The following TASP1 variants were observed in gnomAD, a reference collection of about 807,000 sequenced individuals.
TASP1 encodes the protein threonine aspartase 1.
In TASP1, 16 loss-of-function variants were observed where a neutral mutation model predicts 56.6. The observed-to-expected ratio is 0.28, with a 90% CI of 0.19 to 0.43. The LOEUF (loss-of-function observed/expected upper bound fraction) is 0.43, where lower values mean the gene tolerates loss of function less well. Ranked by LOEUF, TASP1 falls within the 20% of genes least tolerant of loss-of-function variation. The probability of loss-of-function intolerance (pLI) is 1.00; values close to 1 mark genes in which losing one functional copy is unlikely to be tolerated. For missense variants in TASP1, 393 were observed against 511.6 expected (o/e 0.77, Z 2.24); for synonymous variants, 179 against 184.2 (o/e 0.97, Z 0.23).
chr20:13,358,318 C>A, the TASP1 span, among the ~76,000 whole-genome samples: 1 of 152,208 alleles, frequency 6.6e-6, no homozygotes, highest in Non-Finnish European at 1.5e-5. Flanking sequence ...TCTCTTCACA[C>A]GGACGCGCAT....
the TASP1 span, chr20:13,221,722 ACCGCCG>A: frequency 7.6e-7 from 1 of 1,313,220 alleles, no homozygotes; most frequent in Non-Finnish European, 9.7e-7. Context: ...CCCCGGCGTC[ACCGCCG>A]CCGCCGCCGG....
At chr20:13,356,706 C>T in the TASP1 span, among the ~76,000 whole-genome samples, 1 of 152,128 alleles carries the variant, frequency 6.6e-6, no homozygotes, top group Non-Finnish European at 1.5e-5. Context: ...ATGAACTTTG[C>T]CCAGATGAAA....
chr20:13,315,573 T>A, the TASP1 span, among the ~76,000 whole-genome samples: 1 of 151,958 alleles, frequency 6.6e-6, no homozygotes, highest in South Asian at 2.1e-4. Context: ...CATAGATGAA[T>A]CCATTATCAT....
chr20:13,120,133 A>G, the TASP1 span, among the ~76,000 whole-genome samples: 3 of 152,226 alleles, frequency 2.0e-5, no homozygotes, highest in South Asian at 6.2e-4. Flanking sequence ...GGCAAATACT[A>G]AAGATTTTTG....
intron 12 of TASP1, among the ~76,000 whole-genome samples, chr20:13,433,805 A>G (rs2042900959): frequency 6.7e-6 from 1 of 149,440 alleles, no homozygotes; most frequent in African/African-American, 2.5e-5. Flanking sequence ...GGGTTAAACT[A>G]CCACAACCCC....
intron 11 of TASP1, among the ~76,000 whole-genome samples, chr20:13,451,223 T>A (rs900101774): frequency 1.3e-5 from 2 of 152,104 alleles, no homozygotes; most frequent in African/African-American, 4.8e-5. Flanking sequence ...AGATTTAGCA[T>A]AAGTCCTAAG....
the TASP1 span, among the ~76,000 whole-genome samples, chr20:13,158,198 A>G: frequency 7.9e-5 from 12 of 152,196 alleles, no homozygotes; most frequent in Non-Finnish European, 1.6e-4. Flanking sequence ...GTTTATTATC[A>G]TTATTATTAT....
the TASP1 span, among the ~76,000 whole-genome samples, chr20:13,119,602 G>A: frequency 4.6e-5 from 7 of 152,056 alleles, no homozygotes; most frequent in Admixed American, 2.6e-4. Context: ...ACAGAGGGTC[G>A]CATTGTTCAT....
At chr20:13,199,537 A>G in the TASP1 span, among the ~76,000 whole-genome samples, 1 of 152,180 alleles carries the variant, frequency 6.6e-6, no homozygotes, top group Non-Finnish European at 1.5e-5. Context: ...TCTTGTTTTT[A>G]CATTTAATTT....
chr20:13,613,356 T>A (rs530466920), intron 4 of TASP1, among the ~76,000 whole-genome samples: 2 of 152,316 alleles, frequency 1.3e-5, no homozygotes, highest in African/African-American at 2.4e-5. Context: ...GCTTAAAATA[T>A]TTCCAGGGAA....
chr20:13,606,857 A>G (rs1433374253), intron 4 of TASP1, among the ~76,000 whole-genome samples: 2 of 152,038 alleles, frequency 1.3e-5, no homozygotes, highest in Non-Finnish European at 2.9e-5. Flanking sequence ...ATATCCCAAT[A>G]TGTAAGGCAA....
chr20:13,428,138 T>C (rs1466777156), intron 12 of TASP1, among the ~76,000 whole-genome samples: 1 of 152,184 alleles, frequency 6.6e-6, no homozygotes, highest in East Asian at 1.9e-4. Context: ...CTATATGGAA[T>C]CTGTTTTTCA....
intron 12 of TASP1, among the ~76,000 whole-genome samples, chr20:13,419,367 A>G (rs2042362865): frequency 6.6e-6 from 1 of 152,162 alleles, no homozygotes; most frequent in South Asian, 2.1e-4. Flanking sequence ...GAATCTGGGA[A>G]AAGGAATCAT....
At chr20:13,327,532 C>T in the TASP1 span, among the ~76,000 whole-genome samples, 2 of 152,146 alleles carry the variant, frequency 1.3e-5, no homozygotes, top group African/African-American at 4.8e-5. Context: ...AAGCTGGAGG[C>T]ATCACACTAT....
chr20:13,464,281 A>G (rs1568835565), intron 11 of TASP1, among the ~76,000 whole-genome samples: 1 of 152,210 alleles, frequency 6.6e-6, no homozygotes, highest in Non-Finnish European at 1.5e-5. Context: ...AAATTAGGAC[A>G]CAGAAAACTC....
intron 2 of TASP1, 134 bp from the exon 3 acceptor site, chr20:13,625,386 T>C: frequency 1.7e-6 from 1 of 587,574 alleles, no homozygotes; most frequent in South Asian, 2.8e-5. Context: ...TGGCGTTTTA[T>C]GACTTCTTAC....
intron 6 of TASP1, among the ~76,000 whole-genome samples, chr20:13,574,332 T>C (rs569257836): frequency 1.6e-4 from 25 of 152,318 alleles, no homozygotes; most frequent in Admixed American, 1.2e-3. Context: ...AAGCTGTTTT[T>C]AAGTAACTTA....
chr20:13,587,494 C>CA, intron 4 of TASP1, 124 bp from the exon 5 acceptor site: 1 of 675,236 alleles, frequency 1.5e-6, no homozygotes, highest in Non-Finnish European at 2.4e-6. Context: ...AGTATGATGC[C>CA]AATACCACCC....
the TASP1 span, among the ~76,000 whole-genome samples, chr20:13,328,411 T>C: frequency 1.2e-3 from 177 of 152,220 alleles, no homozygotes; most frequent in Admixed American, 1.9e-3. Flanking sequence ...ATTCCTCAAA[T>C]ATGTAGAGGC....
Sources: gnomAD v4.1 joint callset for allele counts (sites outside exome capture counted in the v4.1 genomes callset) on GRCh38, gnomAD v4.1.1 for gene constraint, MANE v1.5 for transcripts, NCBI Gene and HGNC (gene_info 2026-07-23, HGNC 2026-07-21) for gene names.